The following MSH4 variants were observed in gnomAD, a reference collection of about 807,000 sequenced individuals.
MSH4 encodes mutS protein homolog 4.
A neutral mutation model predicts 113.7 loss-of-function variants in MSH4; 106 were observed. That is an observed-to-expected ratio of 0.93 (90% CI 0.80 to 1.10). The LOEUF (loss-of-function observed/expected upper bound fraction) is 1.10. Among genes scored for constraint, MSH4 ranks in the 50% least tolerant of loss-of-function variants. The pLI is 0.00. For synonymous variants in MSH4, 368 were observed against 380.2 expected, an observed-to-expected ratio of 0.97 and a Z score of 0.37; for missense variants, 1,061 against 1,093.7, an observed-to-expected ratio of 0.97 and a Z score of 0.42.
Position 75,880,700 on chromosome 1 carries a change from A to C in MSH4, c.1782-546A>C, listed in dbSNP as rs542233563. Among the ~76,000 whole-genome samples the C allele has an allele frequency of 5.9e-5, 9 of 152,200 alleles. No homozygotes were observed. The South Asian group carries it at 1.7e-3, about 28-fold the overall frequency. On this transcript the variant is annotated intron_variant, in intron 13 of 19. Transcript: ENST00000263187. The stretch of plus-strand genomic sequence containing the variant: ...GGTACATATTTATCTTTGCAAGAGA[A>C]AAACTTTTTGCACTATATCACAGTA...
At chr1:75,809,493 G>A (rs5745354) in intron 3 of MSH4, among the ~76,000 whole-genome samples, 124,739 of 152,080 alleles carry the variant, frequency 0.82, 51,932 homozygotes, top group South Asian at 0.94. Flanking sequence ...TTCTGTGTTT[G>A]GAATAGTTCT....
chr1:75,885,120 A>G lies in MSH4; in HGVS notation c.2107+1299A>G, dbSNP rs1378061885. ...AATAATCTAGATAAGAAAGGTTGAG[A>G]AACTTTTTGATGGAGGTTAAGAGAG... On this transcript the variant is annotated intron_variant, in intron 15 of 19. Transcript: ENST00000263187. Among the ~76,000 whole-genome samples the G allele has an allele frequency of 3.5e-5, 5 of 142,034 alleles. No individual in the cohort carries two copies. The Admixed American group carries it at 3.7e-4, about 11-fold the overall frequency. The allele number at this position is 142,034 out of a possible 152,430, so 93.2% of individuals were successfully genotyped here. A position where few individuals can be genotyped will look rare whatever the true frequency, so the allele number is the denominator to read the frequency against.
chr1:75,887,113 C>T (rs1018932508), intron 15 of MSH4, among the ~76,000 whole-genome samples: 2 of 151,968 alleles, frequency 1.3e-5, no homozygotes, highest in African/African-American at 2.4e-5. Context: ...GACTCTGTGT[C>T]TCCACCCAAA....
At chr1:75,829,420 C>G (rs1333075782) in intron 7 of MSH4, among the ~76,000 whole-genome samples, 1 of 152,226 alleles carries the variant, frequency 6.6e-6, no homozygotes, top group Non-Finnish European at 1.5e-5. Context: ...CCCTGTCTGA[C>G]AGCTTTGAAG....
intron 12 of MSH4, among the ~76,000 whole-genome samples, chr1:75,879,601 G>T (rs982377111): frequency 6.6e-6 from 1 of 152,016 alleles, no homozygotes; most frequent in African/African-American, 2.4e-5. Flanking sequence ...TGCTTAGGGG[G>T]TACTTTTTGA....
At chr1:75,902,885 C>G (rs1652541781) in intron 19 of MSH4, among the ~76,000 whole-genome samples, 1 of 150,104 alleles carries the variant, frequency 6.7e-6, no homozygotes, top group African/African-American at 2.4e-5. Context: ...GATTTTTTTG[C>G]TATTGAGTTG....
chr1:75,855,068 C>T (rs1278819792), intron 8 of MSH4, among the ~76,000 whole-genome samples: 1 of 151,422 alleles, frequency 6.6e-6, no homozygotes, highest in East Asian at 1.9e-4. Context: ...GACAGAGTCT[C>T]ACTCTGTTAT....
intron 8 of MSH4, among the ~76,000 whole-genome samples, chr1:75,853,795 C>G (rs942547728): frequency 6.6e-6 from 1 of 151,862 alleles, no homozygotes; most frequent in East Asian, 1.9e-4. Context: ...ATCCACAATT[C>G]TTTGAGAACT....
chr1:75,874,983 C>T (rs745680515), intron 9 of MSH4, among the ~76,000 whole-genome samples: 2 of 152,148 alleles, frequency 1.3e-5, no homozygotes, highest in Admixed American at 1.3e-4. Context: ...ACGTTTGCCT[C>T]CCAGGCTCAA....
chr1:75,877,121 C>A (rs779710978), intron 10 of MSH4, 121 bp downstream of exon 10: 30 of 502,344 alleles, frequency 6.0e-5, no homozygotes, highest in Non-Finnish European at 8.7e-5. Context: ...TTAACAGAAT[C>A]TTTAACCTAT....
chr1:75,860,257 T>G (rs907085204), intron 8 of MSH4, among the ~76,000 whole-genome samples: 1 of 152,212 alleles, frequency 6.6e-6, no homozygotes, highest in Non-Finnish European at 1.5e-5. Context: ...ATTTATCCCA[T>G]TTACATTTAA....
At chr1:75,808,205 T>A (rs1417877978) in intron 3 of MSH4, among the ~76,000 whole-genome samples, 1 of 152,190 alleles carries the variant, frequency 6.6e-6, no homozygotes, top group Non-Finnish European at 1.5e-5. Context: ...CCTGGTGGTA[T>A]TTCAGATGAC....
intron 7 of MSH4, among the ~76,000 whole-genome samples, chr1:75,843,337 C>G (rs1570962874): frequency 6.6e-6 from 1 of 152,188 alleles, no homozygotes; most frequent in African/African-American, 2.4e-5. Context: ...TCTACACTCT[C>G]TCGTTGCTGC....
chr1:75,893,720 A>G (rs577440289), intron 17 of MSH4, among the ~76,000 whole-genome samples: 3 of 152,318 alleles, frequency 2.0e-5, no homozygotes, highest in South Asian at 4.1e-4. Context: ...TTTCTACTTT[A>G]TACAGACAGA....
intron 19 of MSH4, among the ~76,000 whole-genome samples, chr1:75,902,984 C>T (rs1394189553): frequency 2.7e-5 from 4 of 149,948 alleles, no homozygotes; most frequent in Admixed American, 1.3e-4. Context: ...ATTTCCTCCC[C>T]TTCTGTAGGC....
chr1:75,905,846 T>C lies in MSH4; in HGVS notation c.2619+6140T>C, dbSNP rs148532693. ...ACAGTCTTTGACTTGAAGTCTATCT[T>C]ATCTGATATAAACATAGCTACTCCT... is the stretch of plus-strand genomic sequence containing the variant. On this transcript the variant is annotated intron_variant, in intron 19 of 19. Coordinates refer to ENST00000263187, the MANE Select transcript of MSH4 (RefSeq NM_002440.4). Among the ~76,000 whole-genome samples the C allele has an allele frequency of 6.3e-3, 962 of 152,288 alleles. 15 individuals are homozygous for C. Among genetic ancestry groups the C allele is most frequent in the Admixed American group, 0.035 (536 of 15,286 alleles).
At chr1:75,806,235 GTTTTTTTTTTTTTTTTTTTTT>G (rs775023850) in intron 2 of MSH4, among the ~76,000 whole-genome samples, 1 of 60,778 alleles carries the variant, frequency 1.6e-5, no homozygotes, top group South Asian at 9.4e-4. Context: ...TTTCTGTTTG[GTTTTTTTTTTTTTTTTTTTTT>G]TTTTTTTTTG....
In MSH4 at chr1:75,912,706, G is replaced by C; in HGVS notation, c.2630G>C (p.Arg877Thr). The change falls in exon 20 of 20, where the codon AGG (arginine) becomes ACG (threonine). Residue 877 changes from arginine to threonine, a missense_variant. By Grantham distance (71) the Arg-to-Thr change is moderately conservative (BLOSUM62 -1). Coordinates refer to ENST00000263187, the MANE Select transcript of MSH4 (RefSeq NM_002440.4). The stretch of plus-strand genomic sequence containing the variant: ...TTTTTTCAATGACAGCAAAACCAAA[G>C]GAGTACCCCTGAGATGGAAAGACAG... ...QITRQILQNQ[R>T]STPEMERQRA... 1 of 1,515,404 alleles carries C rather than the reference G, an allele frequency of 6.6e-7. No homozygotes were observed. The highest frequency in any genetic ancestry group is 8.8e-7 in the Non-Finnish European group (1 of 1,141,276). The allele number at this position is 1,515,404 out of a possible 1,614,324, so 93.9% of individuals were successfully genotyped here.
At chr1:75,835,418 G>A (rs1200761628) in intron 7 of MSH4, among the ~76,000 whole-genome samples, 1 of 152,132 alleles carries the variant, frequency 6.6e-6, no homozygotes, top group Admixed American at 6.6e-5. Context: ...CTGCCATTTA[G>A]TGTAATACGT....
Sources: allele counts gnomAD v4.1 joint callset (sites outside exome capture counted in the v4.1 genomes callset), GRCh38; gene constraint gnomAD v4.1.1; transcripts MANE v1.5; gene names NCBI Gene and HGNC (gene_info 2026-07-23, HGNC 2026-07-21).